The following SYCP2L variants were observed in gnomAD, a reference collection of about 807,000 sequenced individuals.
SYCP2L encodes the protein synaptonemal complex protein 2-like.
In SYCP2L, 98 loss-of-function variants were observed where a neutral mutation model predicts 125.8. That is an observed-to-expected ratio of 0.78 (90% CI 0.66 to 0.92). The LOEUF (loss-of-function observed/expected upper bound fraction) is 0.92. Ranked by LOEUF, SYCP2L falls within the 40% of genes least tolerant of loss-of-function variation. The pLI, the probability that SYCP2L is intolerant of heterozygous loss-of-function variation, is 0.00. For synonymous variants in SYCP2L, 317 were observed against 325.4 expected, an observed-to-expected ratio of 0.97 and a Z score of 0.28; for missense variants, 842 against 936.4, an observed-to-expected ratio of 0.90 and a Z score of 1.32.
chr6:10,887,229 G>A lies in SYCP2L; in HGVS notation c.9+94G>A, dbSNP rs1780088183. 2.6e-6 allele frequency: 4 copies of A among 1,556,858 alleles called. No homozygotes were observed. The African/African-American group carries it at 5.4e-5, about 21-fold the overall frequency. ...TGGGGCTCAGGTTCTGCCGCCTTGA[G>A]GTGTTCGCTCAGAGACCGGGTGCTG... is the stretch of plus-strand genomic sequence containing the variant. On this transcript the variant is annotated intron_variant, in intron 1 of 29. Transcript: ENST00000283141.
At chr6:10,969,933 A>T (rs187629470) in intron 29 of SYCP2L, among the ~76,000 whole-genome samples, 1 of 152,336 alleles carries the variant, frequency 6.6e-6, no homozygotes, top group Non-Finnish European at 1.5e-5. Context: ...GTGCCTGCTC[A>T]TTACTCAGTA....
At chr6:10,919,675 G>A (rs1780755304) in intron 14 of SYCP2L, among the ~76,000 whole-genome samples, 1 of 152,158 alleles carries the variant, frequency 6.6e-6, no homozygotes. Context: ...TACCAGGATA[G>A]GTAGGGAAGG....
rs1780294446 is a variant in SYCP2L at position 10,898,264 on chromosome 6, C to G, written c.441+149C>G. 32 of 613,094 alleles carry G rather than the reference C, an allele frequency of 5.2e-5. No homozygotes were observed. In the South Asian group the frequency reaches 6.3e-4, roughly 12 times the overall value. 38.0% of individuals were successfully genotyped at this position (613,094 alleles called of 1,614,324 possible). On this transcript the variant is annotated intron_variant, in intron 5 of 29. Transcript: ENST00000283141. ...GCGTGATGGTTCACACCTGTAATCC[C>G]AGCACTTTGGGAGGCCGAGGTGAGT...
At position 10,910,860 on chromosome 6, in the gene SYCP2L, T is replaced by C; in HGVS notation, c.909T>C (p.Asp303=). 1 of 1,614,152 alleles carries C rather than the reference T, an allele frequency of 6.2e-7. No homozygotes were observed. The highest frequency in any genetic ancestry group is 8.5e-7 in the Non-Finnish European group (1 of 1,180,006). Residue 303 remains aspartate (D), a synonymous_variant, in exon 12 of 30, where the codon GAT becomes GAC. Transcript: ENST00000283141. ...TTCCGTGTATTGCTGCTTTTGCTGA[T>C]GAGCATGAGGTATGTTCATCCCTCT... ...YSFPCIAAFA[D]EHEMRKPADE...
intron 2 of SYCP2L, among the ~76,000 whole-genome samples, chr6:10,893,270 T>C (rs529039898): frequency 4.0e-4 from 61 of 152,350 alleles, no homozygotes; most frequent in African/African-American, 1.4e-3. Context: ...AGTGCTGGGA[T>C]TACAGGCGTG....
In SYCP2L at chr6:10,898,252, C is replaced by T. The variant is rs1317722377; in HGVS notation, c.441+137C>T. 7.4e-5 allele frequency: 48 copies of T among 644,992 alleles called. No homozygotes were observed. In the South Asian group the frequency reaches 7.5e-4, roughly 10 times the overall value. The allele number at this position is 644,992 out of a possible 1,614,324, so 40.0% of individuals were successfully genotyped here. A position where few individuals can be genotyped will look rare whatever the true frequency, so the allele number is the denominator to read the frequency against. On this transcript the variant is annotated intron_variant, in intron 5 of 29. Transcript: ENST00000283141. ...TCACATGGCTGGGCGTGATGGTTCACACCTGTAATCCCAGCACTTTGGGAG... is the reference window on the plus strand; with the variant it reads ...TCACATGGCTGGGCGTGATGGTTCATACCTGTAATCCCAGCACTTTGGGAG...
chr6:10,968,671 A>G (rs1238273), intron 29 of SYCP2L, among the ~76,000 whole-genome samples: 91,828 of 151,998 alleles, frequency 0.6, 29,663 homozygotes, highest in East Asian at 0.91. Context: ...GGCAGGAGAG[A>G]AAGACCTCAG....
chr6:10,907,699 C>T lies in SYCP2L; in HGVS notation c.819+15C>T. On this transcript the variant is annotated intron_variant, in intron 10 of 29. Transcript: ENST00000283141. ...AATTTGAGACGGTGAGATTCCTGGC[C>T]ATGCGAATTTCTTATTAGCCAATAT... 1 of 1,610,102 alleles carries T rather than the reference C, an allele frequency of 6.2e-7. No individual in the cohort carries two copies. The highest frequency in any genetic ancestry group is 1.3e-5 in the African/African-American group (1 of 74,772).
chr6:10,957,736 G>A (rs1294155173), intron 25 of SYCP2L, among the ~76,000 whole-genome samples: 2 of 152,204 alleles, frequency 1.3e-5, no homozygotes, highest in Admixed American at 6.5e-5. Context: ...AGAATCCCTT[G>A]AGTCCAGCAG....
chr6:10,924,103 A>C (rs1780856873), intron 14 of SYCP2L, among the ~76,000 whole-genome samples: 1 of 152,216 alleles, frequency 6.6e-6, no homozygotes, highest in African/African-American at 2.4e-5. Flanking sequence ...TTTAGAAATA[A>C]GTAGAATTTC....
At chr6:10,944,072 T>C (rs1329867560) in intron 23 of SYCP2L, among the ~76,000 whole-genome samples, 1 of 152,216 alleles carries the variant, frequency 6.6e-6, no homozygotes, top group Non-Finnish European at 1.5e-5. Flanking sequence ...TTTAGGAGTA[T>C]AATTGCTGGG....
chr6:10,895,449 T>C (rs937926905), intron 4 of SYCP2L, among the ~76,000 whole-genome samples: 2 of 152,154 alleles, frequency 1.3e-5, no homozygotes, highest in African/African-American at 4.8e-5. Flanking sequence ...CCTTTTTTTC[T>C]TTTTAGATAG....
At chr6:10,966,880 A>G (rs1169524275) in intron 29 of SYCP2L, among the ~76,000 whole-genome samples, 3 of 152,134 alleles carry the variant, frequency 2.0e-5, no homozygotes, top group African/African-American at 2.4e-5. Context: ...GAAATAACCA[A>G]TTCATAGAGG....
chr6:10,961,115 A>T (rs1781585210), intron 26 of SYCP2L, among the ~76,000 whole-genome samples, 190 bp from the exon 27 acceptor site: 1 of 150,808 alleles, frequency 6.6e-6, no homozygotes, highest in Admixed American at 6.6e-5. Flanking sequence ...GAGTTTGCAT[A>T]GTGAGGTTTC....
intron 25 of SYCP2L, 23 bp downstream of exon 25, chr6:10,956,265 A>G (rs776009413): frequency 1.9e-6 from 3 of 1,538,528 alleles, no homozygotes; most frequent in Non-Finnish European, 2.7e-6. Context: ...AAAACTTAAA[A>G]AACTAGAGCG....
intron 23 of SYCP2L, among the ~76,000 whole-genome samples, chr6:10,946,545 C>A (rs1214811847): frequency 1.3e-5 from 2 of 151,948 alleles, no homozygotes; most frequent in East Asian, 3.8e-4. Flanking sequence ...TGAATTTTTG[C>A]TTTATGAAAA....
chr6:10,943,986 G>A (rs1004072062), intron 23 of SYCP2L, among the ~76,000 whole-genome samples: 3 of 152,160 alleles, frequency 2.0e-5, no homozygotes, highest in Non-Finnish European at 4.4e-5. Context: ...AATTTGGGTT[G>A]TTAGAAATAA....
chr6:10,950,860 C>T (rs1781398728), intron 23 of SYCP2L, among the ~76,000 whole-genome samples: 1 of 152,128 alleles, frequency 6.6e-6, no homozygotes, highest in South Asian at 2.1e-4. Flanking sequence ...AGGGATTTGA[C>T]ATGTTGGCTA....
At chr6:10,963,475 C>T (rs1309805285) in intron 28 of SYCP2L, 1 of 324,344 alleles carries the variant, frequency 3.1e-6, no homozygotes, top group Non-Finnish European at 5.8e-6. Flanking sequence ...AAAGAATATC[C>T]CTCAGACTGG....
Sources: gnomAD v4.1 joint callset for allele counts (sites outside exome capture counted in the v4.1 genomes callset) on GRCh38, gnomAD v4.1.1 for gene constraint, MANE v1.5 for transcripts, NCBI Gene and HGNC (gene_info 2026-07-23, HGNC 2026-07-21) for gene names.